Variants in ABCB9 observed in about 807,000 individuals in gnomAD.
ABCB9 encodes ABC-type oligopeptide transporter ABCB9.
Under a neutral mutation model 62.0 loss-of-function variants are expected in ABCB9, and 36 were observed. That is an observed-to-expected ratio of 0.58 (90% CI 0.45 to 0.77). ABCB9 has a LOEUF of 0.77. Ranked by LOEUF, ABCB9 falls within the 30% of genes least tolerant of loss-of-function variation. ABCB9 has a pLI of 0.00. For synonymous variants in ABCB9, 435 were observed against 461.4 expected (o/e 0.94, Z 0.73); for missense variants, 943 against 1,054.7 (o/e 0.89, Z 1.47).
chr12:122,950,385 C>A, intron 3 of ABCB9, 66 bp downstream of exon 3: 1 of 1,444,488 alleles, frequency 6.9e-7, no homozygotes, highest in Non-Finnish European at 9.4e-7. Context: ...TAGGAACAGG[C>A]CCTCCCTTCC....
At position 122,959,026 on chromosome 12, in the gene ABCB9, C is replaced by G. The variant is rs1456872345; in HGVS notation, c.601+609G>C. On this transcript the variant is annotated intron_variant, in intron 2 of 11. Transcript: ENST00000280560. This position sits in a 1 kb window ranked among gnomAD's most constrained non-coding sequence, Gnocchi z 5.4. Reference sequence around the variant, plus strand: ...CTGGGATTACAGGCGTGAGCCACCGCGCCTGGCCTATTTTTTCGTTTTAAA... The same window carrying G: ...CTGGGATTACAGGCGTGAGCCACCGGGCCTGGCCTATTTTTTCGTTTTAAA... Among the ~76,000 whole-genome samples the G allele has an allele frequency of 6.7e-6, 1 of 148,612 alleles. No homozygotes were observed. Among genetic ancestry groups the G allele is most frequent in the African/African-American group, 2.5e-5 (1 of 40,692 alleles).
At chr12:122,943,665 G>A (rs2035885100) in intron 7 of ABCB9, among the ~76,000 whole-genome samples, 1 of 151,838 alleles carries the variant, frequency 6.6e-6, no homozygotes, top group Admixed American at 6.6e-5. Flanking sequence ...GTTTCGCTTT[G>A]GTTGCCCAGG....
chr12:122,945,238 C>T (rs1219131261), intron 6 of ABCB9, among the ~76,000 whole-genome samples: 1 of 152,188 alleles, frequency 6.6e-6, no homozygotes, highest in Non-Finnish European at 1.5e-5. Flanking sequence ...TATCCTCTTT[C>T]CCCTGGCTCC....
In ABCB9 at chr12:122,940,382, C is replaced by T; in HGVS notation, c.1570-98G>A. ...ACAGGTGGGTGCCCTTCCCAGCCCA[C>T]CCCATGTGCCTCTCCCTCGCTTGGG... On this transcript the variant is annotated intron_variant, in intron 8 of 11. Coordinates refer to ENST00000280560, the MANE Select transcript of ABCB9 (RefSeq NM_019625.4). This position sits in a 1 kb window ranked among gnomAD's most constrained non-coding sequence, Gnocchi z 4.8. The T allele has an allele frequency of 2.2e-6, 3 of 1,394,246 alleles. No individual in the cohort carries two copies. Among genetic ancestry groups the T allele is most frequent in the Admixed American group, 2.6e-5 (1 of 39,146 alleles). 86.4% of individuals were successfully genotyped at this position (1,394,246 alleles called of 1,614,324 possible). A position where few individuals can be genotyped will look rare whatever the true frequency, so the allele number is the denominator to read the frequency against.
intron 9 of ABCB9, among the ~76,000 whole-genome samples, chr12:122,936,880 G>A (rs964040807): frequency 2.7e-5 from 4 of 150,892 alleles, no homozygotes; most frequent in African/African-American, 9.8e-5. Context: ...CTCCAGCCTG[G>A]GCAACAAGAG....
chr12:122,942,586 T>C (rs1403258451), intron 7 of ABCB9, among the ~76,000 whole-genome samples: 5 of 132,146 alleles, frequency 3.8e-5, no homozygotes, highest in Non-Finnish European at 6.1e-5. Context: ...ACCACTGTAC[T>C]CCAGCCTGGG....
chr12:122,935,066 T>C (rs1198289106), intron 10 of ABCB9, among the ~76,000 whole-genome samples: 1 of 152,208 alleles, frequency 6.6e-6, no homozygotes, highest in Non-Finnish European at 1.5e-5. Context: ...CACAGCACAG[T>C]GGCTCATGCC....
At chr12:122,973,554 G>T (rs1462594454) in intron 1 of ABCB9, among the ~76,000 whole-genome samples, 1 of 100,538 alleles carries the variant, frequency 9.9e-6, no homozygotes, top group African/African-American at 3.9e-5. Context: ...CTGGGCGACA[G>T]AGCGAGACTC....
At chr12:122,926,971 G>A (rs1247781507), downstream of ABCB9, among the ~76,000 whole-genome samples, 1 of 152,158 alleles carries the variant, frequency 6.6e-6, no homozygotes, top group African/African-American at 2.4e-5. Flanking sequence ...AACAGAAAGA[G>A]GACATTAGTA....
chr12:122,924,512 G>A (rs901484215), downstream of ABCB9: 13 of 932,410 alleles, frequency 1.4e-5, no homozygotes, highest in Non-Finnish European at 1.8e-5. Context: ...TTACAGACAT[G>A]GGCCTCTATG....
chr12:122,928,324 C>G (rs2034965535), downstream of ABCB9, among the ~76,000 whole-genome samples: 1 of 151,970 alleles, frequency 6.6e-6, no homozygotes, highest in Admixed American at 6.6e-5. Flanking sequence ...CAAAAATGAG[C>G]CGGGTGTGGT....
In ABCB9 at chr12:122,948,796, G is replaced by A; in HGVS notation, c.881C>T (p.Thr294Ile). 6.3e-7 allele frequency: 1 copy of A among 1,596,668 alleles called. No individual in the cohort carries two copies. The highest frequency in any genetic ancestry group is 8.5e-7 in the Non-Finnish European group (1 of 1,170,898). Reference protein sequence around the residue: ...DLISRLTSDTTMVSDLVSQNI... With the variant: ...DLISRLTSDTIMVSDLVSQNI... ...CTGGGAGACCAGGTCGCTGACCATG[G>A]TGGTGTCCGAGGTCAGGCGGGAGAT... The change falls in exon 5 of 12, where the codon ACC becomes ATC. Residue 294 changes from threonine to isoleucine, a missense_variant. Physicochemically the swap from Thr to Ile is moderately conservative, Grantham distance 89. Transcript: ENST00000280560.
downstream of ABCB9, chr12:122,920,820 G>A: frequency 2.0e-6 from 1 of 507,252 alleles, no homozygotes; most frequent in Non-Finnish European, 3.5e-6. Context: ...GGGTGAGGTG[G>A]GAGGCTCACT....
In ABCB9 at chr12:122,940,427, TTC is replaced by T. The variant is rs2035697138; in HGVS notation, c.1570-145_1570-144del. 3.1e-6 allele frequency: 3 copies of T among 983,288 alleles called. No individual in the cohort carries two copies. The South Asian group carries it at 5.4e-5, about 18-fold the overall frequency. The allele number at this position is 983,288 out of a possible 1,614,324, so 60.9% of individuals were successfully genotyped here. Reference sequence around the variant, plus strand: ...CTTGGGCACTGCTGGCCCCTAAACGTTCTTTCTAAGACACTAGGACTTGGAAG... The same window carrying T: ...CTTGGGCACTGCTGGCCCCTAAACGTTTTCTAAGACACTAGGACTTGGAAG... On this transcript the variant is annotated intron_variant, in intron 8 of 11. Coordinates refer to ENST00000280560, the MANE Select transcript of ABCB9 (RefSeq NM_019625.4). The surrounding 1 kb of genome is among the most constrained non-coding windows in gnomAD (Gnocchi z 4.8).
intron 10 of ABCB9, among the ~76,000 whole-genome samples, chr12:122,933,172 G>A (rs2035280232): frequency 1.3e-5 from 2 of 152,150 alleles, no homozygotes; most frequent in Non-Finnish European, 2.9e-5. Flanking sequence ...GATTACAGAC[G>A]TGAGCCACTG....
upstream of ABCB9, among the ~76,000 whole-genome samples, chr12:122,969,989 A>G (rs1008369050): frequency 1.3e-5 from 2 of 152,176 alleles, no homozygotes; most frequent in African/African-American, 4.8e-5. Context: ...CTCTTACTAC[A>G]TGATCAGGCA....
At position 122,940,007 on chromosome 12, in the gene ABCB9, G is replaced by A; in HGVS notation, c.1743+104C>T. On this transcript the variant is annotated intron_variant, in intron 9 of 11. Coordinates refer to ENST00000280560, the MANE Select transcript of ABCB9 (RefSeq NM_019625.4). The surrounding 1 kb of genome is among the most constrained non-coding windows in gnomAD (Gnocchi z 4.8). ...GTAATTGGTGATAATTCTTTGAACT[G>A]TCCATTTATCTCTAGTGCCCTCTTC... 1 of 1,395,684 alleles carries A rather than the reference G, an allele frequency of 7.2e-7. No homozygotes were observed. The highest frequency in any genetic ancestry group is 9.7e-7 in the Non-Finnish European group (1 of 1,031,154). The allele number at this position is 1,395,684 out of a possible 1,614,324, so 86.5% of individuals were successfully genotyped here.
At chr12:122,961,763 T>A (rs2036920396) in intron 1 of ABCB9, among the ~76,000 whole-genome samples, 1 of 152,236 alleles carries the variant, frequency 6.6e-6, no homozygotes, top group Non-Finnish European at 1.5e-5. Flanking sequence ...ACAGCCGCTG[T>A]CTTTACTACC....
At chr12:122,924,017 A>G (rs572279162), downstream of ABCB9, among the ~76,000 whole-genome samples, 2 of 152,268 alleles carry the variant, frequency 1.3e-5, no homozygotes, top group East Asian at 1.9e-4. Context: ...TGAAGTCATC[A>G]CCAGGGTCCC....
Sources: gnomAD v4.1 joint callset for allele counts (sites outside exome capture counted in the v4.1 genomes callset) on GRCh38, gnomAD v4.1.1 for gene constraint, Gnocchi (gnomAD v3.1) non-coding constraint, MANE v1.5 for transcripts, NCBI Gene and HGNC (gene_info 2026-07-23, HGNC 2026-07-21) for gene names.